Variants in B3GNT3 observed in about 807,000 individuals in gnomAD.
B3GNT3 encodes the protein UDP-GlcNAc:betaGal beta-1,3-N-acetylglucosaminyltransferase 3, also known as N-acetyllactosaminide beta-1,3-N-acetylglucosaminyltransferase 3.
A neutral mutation model predicts 11.6 loss-of-function variants in B3GNT3; 7 were observed. That is an observed-to-expected ratio of 0.60 (90% confidence interval 0.34 to 1.13). The LOEUF (loss-of-function observed/expected upper bound fraction) is 1.13, where lower values mean the gene tolerates loss of function less well. B3GNT3 is among the 50% of genes most tolerant of loss of function. The pLI, the probability that B3GNT3 is intolerant of heterozygous loss-of-function variation, is 0.03. For missense variants in B3GNT3, 400 were observed against 507.4 expected, an observed-to-expected ratio of 0.79 and a Z score of 2.03; for synonymous variants, 201 against 222.1, an observed-to-expected ratio of 0.90 and a Z score of 0.85.
intron 1 of B3GNT3, among the ~76,000 whole-genome samples, chr19:17,797,080 G>A (rs779427401): frequency 6.6e-6 from 1 of 152,084 alleles, no homozygotes; most frequent in Non-Finnish European, 1.5e-5. Context: ...TTCTTAGGTG[G>A]ATTTCTAGGC....
rs752679006 is a variant in B3GNT3, at chr19:17,811,951, C to T, written c.948C>T (p.Gly316=). The part of the protein sequence containing the change: ...LEGLKPASHS[G]IRTSGVRAPS... ...GACTGAAGCCTGCCTCCCACAGCGG[C>T]ATCCGCACGTCTGGCGTGCGGGCTC... Residue 316 remains glycine, a synonymous_variant, in exon 3 of 3, where the codon GGC becomes GGT. Coordinates refer to ENST00000318683, the MANE Select transcript of B3GNT3 (RefSeq NM_014256.4). The surrounding 1 kb of genome is among the most constrained non-coding windows in gnomAD (Gnocchi z 4.1). 5.6e-6 allele frequency: 9 copies of T among 1,610,974 alleles called. No individual in the cohort carries two copies. The Admixed American group carries it at 1.2e-4, about 21-fold the overall frequency.
chr19:17,803,608 G>A (rs1599845644), intron 1 of B3GNT3, among the ~76,000 whole-genome samples: 2 of 152,138 alleles, frequency 1.3e-5, no homozygotes, highest in South Asian at 4.1e-4. Context: ...TGGTGGCACC[G>A]TGTCTGGCTT....
chr19:17,797,245 A>G (rs2094160464), intron 1 of B3GNT3, among the ~76,000 whole-genome samples: 1 of 152,138 alleles, frequency 6.6e-6, no homozygotes, highest in African/African-American at 2.4e-5. Flanking sequence ...TCATTATGTT[A>G]TCATTTATAG....
chr19:17,807,816 T>C lies in B3GNT3; in HGVS notation c.9T>C (p.Tyr3=), dbSNP rs764068261. The part of the protein sequence containing the change: MK[Y]LRHRRPNATL... ...GACCCTGGCTGGCCAGGATGAAGTA[T>C]CTCCGGCACCGGCGGCCCAATGCCA... The change falls in exon 2 of 3, where the codon TAT becomes TAC. Residue 3 remains tyrosine (Y), a synonymous_variant. Coordinates refer to ENST00000318683, the MANE Select transcript of B3GNT3 (RefSeq NM_014256.4). The C allele has an allele frequency of 6.2e-7, 1 of 1,606,806 alleles. No homozygotes were observed. Among genetic ancestry groups the C allele is most frequent in the South Asian group, 1.1e-5 (1 of 90,818 alleles).
At chr19:17,806,023 A>G (rs1213221060) in intron 1 of B3GNT3, among the ~76,000 whole-genome samples, 1 of 152,122 alleles carries the variant, frequency 6.6e-6, no homozygotes, top group Admixed American at 6.6e-5. Flanking sequence ...GCTGGAGTGC[A>G]ATGGTGTGAT....
intron 2 of B3GNT3, among the ~76,000 whole-genome samples, chr19:17,810,358 T>C (rs2094179062): frequency 1.3e-5 from 2 of 151,498 alleles, no homozygotes; most frequent in Non-Finnish European, 1.5e-5. Flanking sequence ...TGGAGTGAGT[T>C]AAGATTGTGC....
At chr19:17,805,071 A>C (rs1426952132) in intron 1 of B3GNT3, among the ~76,000 whole-genome samples, 1 of 146,362 alleles carries the variant, frequency 6.8e-6, no homozygotes, top group Non-Finnish European at 1.5e-5. Context: ...CCCTGCCCTG[A>C]CTGAAATGTC....
chr19:17,811,632 A>G lies in B3GNT3; in HGVS notation c.629A>G (p.Asp210Gly). The change falls in exon 3 of 3, where the codon GAT becomes GGT. Residue 210 changes from aspartate (D) to glycine (G), a missense_variant. Coordinates refer to ENST00000318683, the MANE Select transcript of B3GNT3 (RefSeq NM_014256.4). The surrounding 1 kb of genome is among the most constrained non-coding windows in gnomAD (Gnocchi z 4.1). The stretch of plus-strand genomic sequence containing the variant: ...AACGCCAGCTTCGTGCTCAACGGGG[A>G]TGATGACGTCTTTGCACACACAGAC... Reference protein sequence around the residue: ...CANASFVLNGDDDVFAHTDNM... With the variant: ...CANASFVLNGGDDVFAHTDNM... 6.2e-7 allele frequency: 1 copy of G among 1,614,098 alleles called. No individual in the cohort carries two copies. Among genetic ancestry groups the G allele is most frequent in the Non-Finnish European group, 8.5e-7 (1 of 1,180,006 alleles).
chr19:17,806,609 A>C (rs1450577935), intron 1 of B3GNT3, among the ~76,000 whole-genome samples: 1 of 152,134 alleles, frequency 6.6e-6, no homozygotes, highest in Non-Finnish European at 1.5e-5. Flanking sequence ...GGAGTCTCCC[A>C]GTGACCCCGA....
In B3GNT3 at chr19:17,811,458, C is replaced by A; in HGVS notation, c.568-113C>A. On this transcript the variant is annotated intron_variant, in intron 2 of 2. Transcript: ENST00000318683. The surrounding 1 kb of genome is among the most constrained non-coding windows in gnomAD (Gnocchi z 4.1). ...CCACAGGGCAGGGCCTTAACCCAGG[C>A]TGGATTGTGGACACTTCCTTTCCTG... 1 of 1,134,284 alleles carries A rather than the reference C, an allele frequency of 8.8e-7. No homozygotes were observed. Among genetic ancestry groups the A allele is most frequent in the Non-Finnish European group, 1.2e-6 (1 of 815,606 alleles). 70.3% of individuals were successfully genotyped at this position (1,134,284 alleles called of 1,614,324 possible).
rs769736671 is a variant in B3GNT3 at position 17,812,099 on chromosome 19, G to A, written c.1096G>A (p.Gly366Ser). ...DALNQPNLTC[G>S]NQTQIY ...GCTGAACCAGCCCAACCTCACCTGC[G>A]GCAATCAGACACAGATCTACTGAGT... Residue 366 changes from glycine to serine, a missense_variant, in exon 3 of 3, where the codon GGC becomes AGC. Physicochemically the swap from Gly to Ser is moderately conservative, Grantham distance 56. Transcript: ENST00000318683. 9.4e-6 allele frequency: 15 copies of A among 1,596,920 alleles called. No individual in the cohort carries two copies. The highest frequency in any genetic ancestry group is 1.6e-4 in the Middle Eastern group (1 of 6,066).
In B3GNT3 at chr19:17,811,756, G is replaced by A. The variant is rs1014270822; in HGVS notation, c.753G>A (p.Lys251=). 3 of 1,614,268 alleles carry A rather than the reference G, an allele frequency of 1.9e-6. No homozygotes were observed. The highest frequency in any genetic ancestry group is 1.7e-6 in the Non-Finnish European group (2 of 1,180,050). ...NVGPIRAFWS[K]YYVPEVVTQN... ...GCCCCATCCGGGCTTTTTGGAGCAA[G>A]TACTATGTGCCAGAGGTGGTGACTC... Residue 251 remains lysine (K), a synonymous_variant, in exon 3 of 3, where the codon AAG becomes AAA. Coordinates refer to ENST00000318683, the MANE Select transcript of B3GNT3 (RefSeq NM_014256.4). This position sits in a 1 kb window ranked among gnomAD's most constrained non-coding sequence, Gnocchi z 4.1.
Position 17,808,212 on chromosome 19 carries a change from G to A in B3GNT3, c.405G>A (p.Lys135=), listed in dbSNP as rs780198026. The part of the protein sequence containing the change: ...LLRRTWGRER[K]VRGLQLRLLF... Reference sequence around the variant, plus strand: ...GGCGCACGTGGGGCCGCGAGCGCAAGGTACGGGGTTTGCAGCTGCGCCTCC... The same window carrying A: ...GGCGCACGTGGGGCCGCGAGCGCAAAGTACGGGGTTTGCAGCTGCGCCTCC... The change falls in exon 2 of 3, where the codon AAG becomes AAA. Residue 135 remains lysine, a synonymous_variant. Transcript: ENST00000318683. 2 of 1,612,618 alleles carry A rather than the reference G, an allele frequency of 1.2e-6. No homozygotes were observed. The highest frequency in any genetic ancestry group is 1.1e-5 in the South Asian group (1 of 91,040).
At chr19:17,807,111 A>AGTGTGGGTGTGTGTGTGTGT (rs375965884) in intron 1 of B3GNT3, among the ~76,000 whole-genome samples, 4 of 116,242 alleles carry the variant, frequency 3.4e-5, no homozygotes, top group African/African-American at 1.3e-4. Flanking sequence ...CAGTGGCCCC[A>AGTGTGGGTGTGTGTGTGTGT]GTGTGTGTGT....
At chr19:17,806,944 G>GAAA (rs374487355) in intron 1 of B3GNT3, among the ~76,000 whole-genome samples, 36 of 79,386 alleles carry the variant, frequency 4.5e-4, no homozygotes, top group African/African-American at 1.2e-3. Flanking sequence ...TCCATCTCAA[G>GAAA]AAAAAAAAAA....
intron 1 of B3GNT3, among the ~76,000 whole-genome samples, chr19:17,799,296 G>A (rs1326306790): frequency 7.8e-6 from 1 of 127,824 alleles, no homozygotes; most frequent in African/African-American, 3.0e-5. Flanking sequence ...TTTTTGAGAT[G>A]GAGTCTCATT....
chr19:17,795,890 TA>T (rs1447151061), intron 1 of B3GNT3, among the ~76,000 whole-genome samples: 2 of 152,010 alleles, frequency 1.3e-5, no homozygotes, highest in East Asian at 1.9e-4. Context: ...CCCTGTGTGT[TA>T]AGGGGGGGTC....
intron 1 of B3GNT3, among the ~76,000 whole-genome samples, chr19:17,800,812 CA>C (rs1206134762): frequency 2.6e-5 from 4 of 151,946 alleles, no homozygotes; most frequent in Middle Eastern, 3.4e-3. Context: ...ACTAAAAATA[CA>C]AAAATTAGCC....
At chr19:17,804,231 CT>C (rs1447599294) in intron 1 of B3GNT3, among the ~76,000 whole-genome samples, 31 of 134,794 alleles carry the variant, frequency 2.3e-4, no homozygotes, top group Non-Finnish European at 4.3e-4. Context: ...TTCTTTCTTT[CT>C]TTTTTTTCTT....
Sources: gnomAD v4.1 joint callset for allele counts (sites outside exome capture counted in the v4.1 genomes callset) on GRCh38, gnomAD v4.1.1 for gene constraint, Gnocchi (gnomAD v3.1) non-coding constraint, MANE v1.5 for transcripts, NCBI Gene and HGNC (gene_info 2026-07-23, HGNC 2026-07-21) for gene names.